PLXDC2: variants seen among roughly 807,000 people sequenced by gnomAD.
PLXDC2 encodes plexin domain-containing protein 2.
PLXDC2 carries 40 observed loss-of-function variants against 68.9 expected under a neutral mutation model. The ratio of observed to expected loss-of-function variants is 0.58; its 90% CI spans 0.45 to 0.76. The LOEUF is 0.76. Ranked by LOEUF, PLXDC2 falls within the 30% of genes least tolerant of loss-of-function variation. PLXDC2 has a pLI of 0.00. For synonymous variants in PLXDC2, 243 were observed against 234.2 expected, an observed-to-expected ratio of 1.04 and a Z score of -0.34; for missense variants, 644 against 661.9, an observed-to-expected ratio of 0.97 and a Z score of 0.30.
rs572911642 is a variant in PLXDC2 at position 20,044,624 on chromosome 10, T to C, written c.325-2245T>C. Among the ~76,000 whole-genome samples, 352 of 151,776 alleles carry C rather than the reference T, an allele frequency of 2.3e-3. 2 individuals carry two copies. Among genetic ancestry groups the C allele is most frequent in the African/African-American group, 8.0e-3 (329 of 41,172 alleles). On this transcript the variant is annotated intron_variant, in intron 2 of 13. Coordinates refer to ENST00000377252, the MANE Select transcript of PLXDC2 (RefSeq NM_032812.9). ...CGCGTCCAGCCTGCAATTCTTTCTT[T>C]AGCTATGTGTTTGCCTCATCTTCAG...
At chr10:20,150,105 A>G (rs78743627) in intron 6 of PLXDC2, among the ~76,000 whole-genome samples, 17 of 152,244 alleles carry the variant, frequency 1.1e-4, no homozygotes, top group South Asian at 2.1e-4. Context: ...TGACACATCA[A>G]TGTCACTCAG....
intron 1 of PLXDC2, among the ~76,000 whole-genome samples, chr10:19,981,426 C>T (rs1024578683): frequency 2.6e-5 from 4 of 152,132 alleles, no homozygotes; most frequent in Admixed American, 2.0e-4. Context: ...TTTTGTCTTT[C>T]GTCAGTTTAC....
intron 1 of PLXDC2, among the ~76,000 whole-genome samples, chr10:19,851,712 A>AT (rs1837121119): frequency 6.6e-6 from 1 of 151,890 alleles, no homozygotes; most frequent in Non-Finnish European, 1.5e-5. Flanking sequence ...TACCCAGCTA[A>AT]TTTTTTTGTA....
chr10:20,249,428 G>A (rs916103168), intron 13 of PLXDC2, among the ~76,000 whole-genome samples: 1 of 152,206 alleles, frequency 6.6e-6, no homozygotes, highest in African/African-American at 2.4e-5. Context: ...GATATGGACA[G>A]GGCTGGTTCC....
chr10:20,231,836 C>T (rs1051483107), intron 12 of PLXDC2, among the ~76,000 whole-genome samples: 3 of 151,586 alleles, frequency 2.0e-5, no homozygotes, highest in Non-Finnish European at 4.4e-5. Context: ...GCTAACATAG[C>T]GAGACTCTGT....
At chr10:20,054,090 G>C (rs1238228334) in intron 3 of PLXDC2, among the ~76,000 whole-genome samples, 1 of 152,088 alleles carries the variant, frequency 6.6e-6, no homozygotes, top group Non-Finnish European at 1.5e-5. Context: ...GCTCAGTTCT[G>C]AATGTAGCAT....
intron 1 of PLXDC2, among the ~76,000 whole-genome samples, chr10:19,894,926 G>A (rs573853491): frequency 1.3e-5 from 2 of 152,190 alleles, no homozygotes; most frequent in African/African-American, 4.8e-5. Context: ...CCCATTATTG[G>A]GTGTATACCC....
At chr10:20,279,532 G>A (rs1362112728) in intron 13 of PLXDC2, among the ~76,000 whole-genome samples, 171 bp from the exon 14 acceptor site, 1 of 152,092 alleles carries the variant, frequency 6.6e-6, no homozygotes, top group Admixed American at 6.5e-5. Flanking sequence ...CAAGCACAGG[G>A]CTTGGAGGGT....
chr10:19,911,129 T>TA (rs1833264253), intron 1 of PLXDC2, among the ~76,000 whole-genome samples: 1 of 152,056 alleles, frequency 6.6e-6, no homozygotes, highest in African/African-American at 2.4e-5. Context: ...CTGCAGGTAT[T>TA]ACCTGGTGTT....
At chr10:20,164,688 TGC>T in intron 7 of PLXDC2, 121 bp downstream of exon 7, 1 of 749,898 alleles carries the variant, frequency 1.3e-6, no homozygotes, top group Non-Finnish European at 2.3e-6. Flanking sequence ...AGCTGATTAA[TGC>T]TTGTTAATTC....
At chr10:19,892,250 T>A (rs566440129) in intron 1 of PLXDC2, among the ~76,000 whole-genome samples, 222 of 152,156 alleles carry the variant, frequency 1.5e-3, no homozygotes, top group Non-Finnish European at 2.6e-3. Flanking sequence ...CTTAAGGAGG[T>A]CTGTGCTATT....
rs560670033 is a variant in PLXDC2, at chr10:20,264,502, A to G, written c.1474-15201A>G. On this transcript the variant is annotated intron_variant, in intron 13 of 13. Coordinates refer to ENST00000377252, the MANE Select transcript of PLXDC2 (RefSeq NM_032812.9). Reference sequence around the variant, plus strand: ...AAAAATCTAATAAAAACGCTAAGGAACTATTTTAAAACTAGCTAAAAAGCA... The same window carrying G: ...AAAAATCTAATAAAAACGCTAAGGAGCTATTTTAAAACTAGCTAAAAAGCA... Among the ~76,000 whole-genome samples the G allele has an allele frequency of 6.6e-5, 10 of 152,316 alleles. No individual in the cohort carries two copies. In the South Asian group the frequency reaches 2.1e-3, roughly 32 times the overall value.
chr10:20,002,374 C>T (rs1414306733), intron 2 of PLXDC2, among the ~76,000 whole-genome samples: 1 of 151,944 alleles, frequency 6.6e-6, no homozygotes, highest in Non-Finnish European at 1.5e-5. Context: ...ATTATTCTGC[C>T]TCAGCCTCCT....
At chr10:19,908,948 A>T (rs1329467691) in intron 1 of PLXDC2, among the ~76,000 whole-genome samples, 2 of 152,190 alleles carry the variant, frequency 1.3e-5, no homozygotes, top group Non-Finnish European at 2.9e-5. Flanking sequence ...TTTGATCACC[A>T]AACAACTTTG....
At chr10:20,177,652 C>G (rs1231436932) in intron 9 of PLXDC2, among the ~76,000 whole-genome samples, 3 of 151,526 alleles carry the variant, frequency 2.0e-5, no homozygotes, top group Non-Finnish European at 4.4e-5. Flanking sequence ...TGCCTGTAGT[C>G]TCAGCACTTT....
At chr10:19,977,202 C>A (rs1214078845) in intron 1 of PLXDC2, among the ~76,000 whole-genome samples, 1 of 152,172 alleles carries the variant, frequency 6.6e-6, no homozygotes, top group Non-Finnish European at 1.5e-5. Context: ...TAGATGGATC[C>A]AACCAGGTCT....
rs1836364119 is a variant in PLXDC2 at position 19,817,113 on chromosome 10, G to A, written c.34G>A (p.Ala12Thr). Reference protein sequence around the residue: ...ARFPKADLAAAGVMLLCHFFT... With the variant: ...ARFPKADLAATGVMLLCHFFT... Reference sequence around the variant, plus strand: ...GTTCCCGAAGGCCGACCTGGCCGCTGCAGGAGTTATGTTACTTTGCCACTT... The same window carrying A: ...GTTCCCGAAGGCCGACCTGGCCGCTACAGGAGTTATGTTACTTTGCCACTT... The change falls in exon 1 of 14, where the codon GCA (alanine) becomes ACA (threonine). Residue 12 changes from alanine (A) to threonine (T), a missense_variant. Around this residue, in one of 3 missense-constraint regions of PLXDC2, gnomAD observed 201 missense variants for 166.9 expected, o/e 1.20. Transcript: ENST00000377252. 1 of 1,567,472 alleles carries A rather than the reference G, an allele frequency of 6.4e-7. No homozygotes were observed. Among genetic ancestry groups the A allele is most frequent in the Non-Finnish European group, 8.7e-7 (1 of 1,153,750 alleles).
At chr10:19,992,044 T>C (rs192445265) in intron 1 of PLXDC2, among the ~76,000 whole-genome samples, 1 of 152,206 alleles carries the variant, frequency 6.6e-6, no homozygotes, top group South Asian at 2.1e-4. Context: ...AATAGCAGTG[T>C]GAAAGTGTTT....
chr10:20,217,286 T>C, intron 10 of PLXDC2, 140 bp from the exon 11 acceptor site: 1 of 653,154 alleles, frequency 1.5e-6, no homozygotes, highest in Non-Finnish European at 2.4e-6. Context: ...AAATCATTAA[T>C]ATAGTCTTGT....
Sources: gnomAD v4.1 joint callset for allele counts (sites outside exome capture counted in the v4.1 genomes callset) on GRCh38, gnomAD v4.1.1 for gene constraint, gnomAD v4.1.1 regional missense constraint, MANE v1.5 for transcripts, NCBI Gene and HGNC (gene_info 2026-07-23, HGNC 2026-07-21) for gene names.